Variants in ABCB5 observed in about 807,000 individuals in gnomAD.
ABCB5 encodes the protein ATP-binding cassette sub-family B member 5.
ABCB5 carries 155 observed loss-of-function variants against 144.2 expected under a neutral mutation model. The ratio of observed to expected loss-of-function variants is 1.08; its 90% CI spans 0.94 to 1.23. The LOEUF is 1.23. ABCB5 is among the 50% of genes most tolerant of loss of function. The probability of loss-of-function intolerance (pLI) is 0.00; values close to 1 mark genes in which losing one functional copy is unlikely to be tolerated. For missense variants in ABCB5, 1,830 were observed against 1,520.8 expected (o/e 1.20, Z -3.38); for synonymous variants, 610 against 528.6 (o/e 1.15, Z -2.11).
intron 20 of ABCB5, among the ~76,000 whole-genome samples, chr7:20,722,496 T>C (rs1781900471): frequency 6.6e-6 from 1 of 152,206 alleles, no homozygotes; most frequent in Non-Finnish European, 1.5e-5. Flanking sequence ...GGTATTCCAC[T>C]AAACTAAAAT....
At chr7:20,657,469 C>T (rs1224982313) in intron 13 of ABCB5, among the ~76,000 whole-genome samples, 1 of 152,094 alleles carries the variant, frequency 6.6e-6, no homozygotes, top group East Asian at 1.9e-4. Flanking sequence ...ACTGATACAA[C>T]ATGGATGAAT....
At chr7:20,674,823 G>C (rs1310288966) in intron 14 of ABCB5, among the ~76,000 whole-genome samples, 3 of 150,010 alleles carry the variant, frequency 2.0e-5, no homozygotes, top group African/African-American at 7.4e-5. Context: ...TAAGGTTGCA[G>C]GATATAAAAT....
rs1323521237 is a variant in ABCB5 at position 20,646,113 on chromosome 7, G to C, written c.956G>C (p.Gly319Ala). The C allele has an allele frequency of 6.2e-7, 1 of 1,613,590 alleles. No homozygotes were observed. Among genetic ancestry groups the C allele is most frequent in the South Asian group, 1.1e-5 (1 of 91,052 alleles). Residue 319 changes from glycine to alanine, a missense_variant, in exon 9 of 28, where the codon GGA becomes GCA. Gly to Ala is a moderately conservative substitution (Grantham distance 60, BLOSUM62 0). Transcript: ENST00000404938. ...TCCTTGATTCTTAATGGAGAACCTGGATATACCATCGGGACTGTTCTTGCT... is the reference window on the plus strand; with the variant it reads ...TCCTTGATTCTTAATGGAGAACCTGCATATACCATCGGGACTGTTCTTGCT... ...GTSLILNGEP[G>A]YTIGTVLAVF... is the part of the protein sequence containing the mutation.
rs117477399 is a variant in ABCB5, at chr7:20,643,366, G to A, written c.497G>A (p.Arg166His). 728 of 1,613,902 alleles carry A rather than the reference G, an allele frequency of 4.5e-4. 7 individuals are homozygous for A. In the East Asian group the frequency reaches 0.012, roughly 26 times the overall value. ...DSCDIGELNTRMTDDIDKISD... is the reference protein window; with the variant it reads ...DSCDIGELNTHMTDDIDKISD... Reference sequence around the variant, plus strand: ...TGTGACATCGGTGAACTTAACACTCGCATGACAGAGTAAGAGGATGATATT... The same window carrying A: ...TGTGACATCGGTGAACTTAACACTCACATGACAGAGTAAGAGGATGATATT... The change falls in exon 6 of 28, where the codon CGC (arginine) becomes CAC (histidine). Residue 166 changes from arginine (R) to histidine (H), a missense_variant. Physicochemically the swap from Arg to His is conservative, Grantham distance 29. Transcript: ENST00000404938.
In ABCB5 at chr7:20,630,110, A is replaced by G. The variant is rs549445301; in HGVS notation, c.259+1272A>G. Among the ~76,000 whole-genome samples the G allele has an allele frequency of 1.6e-4, 25 of 152,268 alleles. No homozygotes were observed. The South Asian group carries it at 5.2e-3, about 32-fold the overall frequency. ...TAGGTTAAATTCCAGTGATTTTCCT[A>G]TGCACTGATGTAATGACTATGCAGT... On this transcript the variant is annotated intron_variant, in intron 4 of 27. Transcript: ENST00000404938.
intron 27 of ABCB5, 73 bp downstream of exon 27, chr7:20,753,579 T>C: frequency 6.6e-7 from 1 of 1,509,846 alleles, no homozygotes; most frequent in Non-Finnish European, 8.9e-7. Context: ...GAAACCAAGG[T>C]AAGTTTGGAA....
Position 20,649,966 on chromosome 7 carries a change from G to A in ABCB5, c.1207-56G>A. On this transcript the variant is annotated intron_variant, in intron 11 of 27. Transcript: ENST00000404938. ...AATTATGTACTCATTTTCTGAAAAT[G>A]TGTCCATCATCTTCTTATTGTGGTT... 4 of 1,535,362 alleles carry A rather than the reference G, an allele frequency of 2.6e-6. No individual in the cohort carries two copies. In the Admixed American group the frequency reaches 8.4e-5, roughly 32 times the overall value.
At chr7:20,715,548 C>CTA (rs112229080) in intron 20 of ABCB5, among the ~76,000 whole-genome samples, 4,286 of 151,850 alleles carry the variant, frequency 0.028, 181 homozygotes, top group African/African-American at 0.094. Flanking sequence ...GTAGCTGGAA[C>CTA]CAGGTGCACG....
chr7:20,724,340 A>T (rs6461514), intron 21 of ABCB5, among the ~76,000 whole-genome samples: 113,252 of 151,680 alleles, frequency 0.75, 42,821 homozygotes, highest in East Asian at 0.92. Context: ...TTGACTCTAC[A>T]TCCAGGTCTT....
chr7:20,642,587 C>T (rs1388297399), intron 5 of ABCB5, among the ~76,000 whole-genome samples: 1 of 152,096 alleles, frequency 6.6e-6, no homozygotes, highest in East Asian at 1.9e-4. Context: ...TATTATCTTG[C>T]TCATGGCTGT....
At chr7:20,721,210 A>G (rs981040296) in intron 20 of ABCB5, among the ~76,000 whole-genome samples, 3 of 152,314 alleles carry the variant, frequency 2.0e-5, no homozygotes, top group Admixed American at 6.5e-5. Flanking sequence ...CAGGGATGAT[A>G]GAGTATCAGG....
intron 13 of ABCB5, among the ~76,000 whole-genome samples, chr7:20,654,753 A>C (rs1784715235): frequency 6.6e-6 from 1 of 152,192 alleles, no homozygotes; most frequent in Admixed American, 6.5e-5. Flanking sequence ...TTTCAAGAAA[A>C]ATGAAAAACT....
At chr7:20,696,025 C>G (rs1369929160) in intron 16 of ABCB5, among the ~76,000 whole-genome samples, 2 of 151,968 alleles carry the variant, frequency 1.3e-5, no homozygotes, top group Admixed American at 1.3e-4. Context: ...AAAAGTGAAA[C>G]ATTCACCTAC....
intron 16 of ABCB5, among the ~76,000 whole-genome samples, chr7:20,690,206 TAGTATTACC>T (rs1308210376): frequency 6.6e-6 from 1 of 152,224 alleles, no homozygotes; most frequent in Non-Finnish European, 1.5e-5. Context: ...CAAACTACAA[TAGTATTACC>T]AGTATTTGTG....
Position 20,756,521 on chromosome 7 carries a change from G to T in ABCB5, c.*897G>T, listed in dbSNP as rs12112555. The stretch of plus-strand genomic sequence containing the variant: ...AGCCAATCTTGGTGGCGGGCACCTG[G>T]AATCCCAGCTACTTGGGAGGCTGAG... On this transcript the variant is annotated 3_prime_UTR_variant, in exon 28 of 28. Coordinates refer to ENST00000404938, the MANE Select transcript of ABCB5 (RefSeq NM_001163941.2). 0.38 allele frequency: 58,009 copies of T among 151,780 alleles called. 11,628 individuals are homozygous for T. The highest frequency in any genetic ancestry group is 0.5 in the African/African-American group (20,640 of 41,362). The allele number at this position is 151,780 out of a possible 1,614,324, so 9.4% of individuals were successfully genotyped here.
chr7:20,654,044 G>A (rs1209332264), intron 13 of ABCB5, among the ~76,000 whole-genome samples: 1 of 152,202 alleles, frequency 6.6e-6, no homozygotes, highest in Non-Finnish European at 1.5e-5. Flanking sequence ...CCAGAGAAGA[G>A]AGGTTTTGGA....
At chr7:20,622,554 T>C (rs949670030) in intron 1 of ABCB5, among the ~76,000 whole-genome samples, 5 of 152,094 alleles carry the variant, frequency 3.3e-5, no homozygotes, top group Admixed American at 2.0e-4. Context: ...CATATCTTTA[T>C]AATTGTCTTT....
At chr7:20,632,957 C>T (rs1199013738) in intron 5 of ABCB5, among the ~76,000 whole-genome samples, 1 of 151,574 alleles carries the variant, frequency 6.6e-6, no homozygotes, top group Non-Finnish European at 1.5e-5. Context: ...CACATGTATA[C>T]ATATGTAACT....
intron 14 of ABCB5, among the ~76,000 whole-genome samples, chr7:20,679,326 G>A (rs1346966282): frequency 6.6e-6 from 1 of 151,842 alleles, no homozygotes; most frequent in Non-Finnish European, 1.5e-5. Context: ...AAAATTAGCT[G>A]GGCATGGTGG....
Sources: allele counts gnomAD v4.1 joint callset (sites outside exome capture counted in the v4.1 genomes callset), GRCh38; gene constraint gnomAD v4.1.1; transcripts MANE v1.5; gene names NCBI Gene and HGNC (gene_info 2026-07-23, HGNC 2026-07-21).